RAD54B: variants seen among roughly 807,000 people sequenced by gnomAD.
RAD54B encodes DNA repair and recombination protein RAD54B.
In RAD54B, 78 loss-of-function variants were observed where a neutral mutation model predicts 95.8. That is an observed-to-expected ratio of 0.81 (90% CI 0.68 to 0.98). RAD54B has a LOEUF of 0.98. RAD54B is among the 50% of genes least tolerant of loss of function. RAD54B has a pLI of 0.00. For synonymous variants in RAD54B, 328 were observed against 354.9 expected, an observed-to-expected ratio of 0.92 and a Z score of 0.85; for missense variants, 957 against 1,056.6, an observed-to-expected ratio of 0.91 and a Z score of 1.31.
At chr8:94,397,001 A>G (rs1811164181) in intron 8 of RAD54B, among the ~76,000 whole-genome samples, 1 of 152,148 alleles carries the variant, frequency 6.6e-6, no homozygotes, top group Non-Finnish European at 1.5e-5. Context: ...TTGATCTTGG[A>G]CTTCCAGTCT....
At chr8:94,463,410 A>G (rs1189734010) in intron 2 of RAD54B, among the ~76,000 whole-genome samples, 7 of 152,124 alleles carry the variant, frequency 4.6e-5, no homozygotes, top group Non-Finnish European at 1.0e-4. Context: ...TATGGCCACA[A>G]TCAAAAAGAT....
intron 1 of RAD54B, among the ~76,000 whole-genome samples, chr8:94,471,274 G>T (rs796445543): frequency 2.7e-5 from 4 of 148,278 alleles, no homozygotes; most frequent in Admixed American, 6.8e-5. Context: ...GTGGCGGGGG[G>T]GGGCAGTACT....
chr8:94,428,113 A>G, intron 3 of RAD54B: 1 of 910,576 alleles, frequency 1.1e-6, no homozygotes, highest in Non-Finnish European at 1.3e-6. Flanking sequence ...CATTACATTC[A>G]TATGGATAAG....
rs34218371 is a variant in RAD54B at position 94,428,367 on chromosome 8, A to T, written c.305-17052T>A. The T allele has an allele frequency of 4.0e-3, 3,907 of 968,158 alleles. 107 individuals are homozygous for T. In the African/African-American group the frequency reaches 0.063, roughly 16 times the overall value. The allele number at this position is 968,158 out of a possible 1,614,324, so 60.0% of individuals were successfully genotyped here. A position where few individuals can be genotyped will look rare whatever the true frequency, so the allele number is the denominator to read the frequency against. On this transcript the variant is annotated intron_variant, in intron 3 of 14. Transcript: ENST00000336148. ...TGGCTTAAGTGTATAGTCATCCCTC[A>T]GTATCCAAGGGGGATTGGTTTCAGG...
At chr8:94,465,358 G>A (rs190804429) in intron 2 of RAD54B, among the ~76,000 whole-genome samples, 273 of 152,222 alleles carry the variant, frequency 1.8e-3, no homozygotes, top group Non-Finnish European at 2.9e-3. Flanking sequence ...ACCTTAAATA[G>A]ACATTTTTCC....
intron 3 of RAD54B, among the ~76,000 whole-genome samples, chr8:94,411,869 T>C (rs1811537814): frequency 6.6e-6 from 1 of 152,148 alleles, no homozygotes; most frequent in Non-Finnish European, 1.5e-5. Context: ...TTACCTCACA[T>C]ACTTTTTGTG....
intron 3 of RAD54B, among the ~76,000 whole-genome samples, chr8:94,442,483 G>A (rs1252536422): frequency 6.6e-6 from 1 of 151,384 alleles, no homozygotes; most frequent in Non-Finnish European, 1.5e-5. Context: ...GCTGAAGCAG[G>A]AGAATGGCGT....
chr8:94,398,699 G>A (rs1020452292), intron 8 of RAD54B, among the ~76,000 whole-genome samples: 8 of 151,874 alleles, frequency 5.3e-5, no homozygotes, highest in African/African-American at 1.7e-4. Context: ...CTGACACAAC[G>A]GCAAAGTGGA....
At chr8:94,420,622 GATT>G (rs1811782215) in intron 3 of RAD54B, among the ~76,000 whole-genome samples, 1 of 151,826 alleles carries the variant, frequency 6.6e-6, no homozygotes, top group South Asian at 2.1e-4. Context: ...ATAAAGTCAA[GATT>G]ATTATGTAAT....
chr8:94,445,346 A>G (rs982500315), intron 3 of RAD54B, among the ~76,000 whole-genome samples: 10 of 152,062 alleles, frequency 6.6e-5, no homozygotes, highest in Non-Finnish European at 2.9e-5. Flanking sequence ...AATGTGGGGG[A>G]AAAACAAACA....
At chr8:94,457,299 G>A (rs1360689177) in intron 3 of RAD54B, among the ~76,000 whole-genome samples, 3 of 152,168 alleles carry the variant, frequency 2.0e-5, no homozygotes, top group Non-Finnish European at 4.4e-5. Flanking sequence ...GAGCTAAACT[G>A]CCATGCCCAG....
At chr8:94,436,351 C>T in intron 3 of RAD54B, 1 of 1,147,254 alleles carries the variant, frequency 8.7e-7, no homozygotes, top group Non-Finnish European at 1.2e-6. Flanking sequence ...TCACTTTTCT[C>T]TTTTTAAAAA....
intron 1 of RAD54B, among the ~76,000 whole-genome samples, chr8:94,470,993 T>C (rs983237370): frequency 1.2e-4 from 19 of 152,142 alleles, no homozygotes; most frequent in African/African-American, 4.3e-4. Context: ...GGGAATGCTT[T>C]TTCCCACTTT....
In RAD54B at chr8:94,465,449, A is replaced by G. The variant is rs994913646; in HGVS notation, c.135+1956T>C. ...TTAAGGAAATACAAATCAGAACCAC[A>G]GTGAAATACCACTTCACAACTACTG... On this transcript the variant is annotated intron_variant, in intron 2 of 14. Coordinates refer to ENST00000336148, the MANE Select transcript of RAD54B (RefSeq NM_012415.3). Among the ~76,000 whole-genome samples, 8 of 152,358 alleles carry G rather than the reference A, an allele frequency of 5.3e-5. 1 individual carries two copies. The highest frequency in any genetic ancestry group is 6.8e-3 in the Middle Eastern group (2 of 294).
At chr8:94,434,405 A>G (rs3136414) in intron 3 of RAD54B, among the ~76,000 whole-genome samples, 14,449 of 151,904 alleles carry the variant, frequency 0.095, 1,126 homozygotes, top group East Asian at 0.32. Context: ...GAGAATCAGA[A>G]CTTTGAAGAT....
rs1439584531 is a variant in RAD54B, at chr8:94,414,992, T to A, written c.305-3677A>T. Among the ~76,000 whole-genome samples, 6 of 152,282 alleles carry A rather than the reference T, an allele frequency of 3.9e-5. No individual in the cohort carries two copies. In the East Asian group the frequency reaches 1.2e-3, roughly 29 times the overall value. Reference sequence around the variant, plus strand: ...ATCCCCATCAAGCTACCAATGTCTTTCTTCACAGAATTGGAAAAAACTACT... The same window carrying A: ...ATCCCCATCAAGCTACCAATGTCTTACTTCACAGAATTGGAAAAAACTACT... On this transcript the variant is annotated intron_variant, in intron 3 of 14. Transcript: ENST00000336148.
At chr8:94,416,584 G>A (rs1025947393) in intron 3 of RAD54B, among the ~76,000 whole-genome samples, 1 of 151,348 alleles carries the variant, frequency 6.6e-6, no homozygotes, top group East Asian at 1.9e-4. Flanking sequence ...AAAAATCTTA[G>A]ACAATTCAGA....
chr8:94,420,140 G>A (rs1811768689), intron 3 of RAD54B, among the ~76,000 whole-genome samples: 1 of 151,482 alleles, frequency 6.6e-6, no homozygotes, highest in African/African-American at 2.4e-5. Flanking sequence ...ACACATCAAC[G>A]AAATCACCTA....
intron 3 of RAD54B, among the ~76,000 whole-genome samples, chr8:94,433,884 G>A (rs1346461126): frequency 6.6e-6 from 1 of 151,638 alleles, no homozygotes; most frequent in Non-Finnish European, 1.5e-5. Context: ...ACAAGTTCAA[G>A]CAGAATGCAT....
Sources: allele counts gnomAD v4.1 joint callset (sites outside exome capture counted in the v4.1 genomes callset), GRCh38; gene constraint gnomAD v4.1.1; transcripts MANE v1.5; gene names NCBI Gene and HGNC (gene_info 2026-07-23, HGNC 2026-07-21).